The following PRPF8 variants were observed in gnomAD, a reference collection of about 807,000 sequenced individuals.
The protein encoded by PRPF8 is pre-mRNA-processing-splicing factor 8.
In PRPF8, 64 loss-of-function variants were observed where a neutral mutation model predicts 285.9. The observed-to-expected ratio is 0.22, with a 90% CI of 0.18 to 0.28. The LOEUF is 0.28. Ranked by LOEUF, PRPF8 falls within the 10% of genes least tolerant of loss-of-function variation. PRPF8 has a pLI of 1.00. For synonymous variants in PRPF8, 1,325 were observed against 1,118.2 expected (o/e 1.18, Z -3.69); for missense variants, 1,426 against 3,026.7 (o/e 0.47, Z 12.41).
rs1391498441 is a variant in PRPF8, at chr17:1,661,818, G to GA, written c.4023-29dup. 2.5e-6 allele frequency: 4 copies of GA among 1,613,984 alleles called. No individual in the cohort carries two copies. The highest frequency in any genetic ancestry group is 2.2e-5 in the East Asian group (1 of 44,898). Reference sequence around the variant, plus strand: ...GTTTGGGTGTACAACCAAGATTACAGAAAAAATAAAGCCTAAAACTAAAGA... The same window carrying GA: ...GTTTGGGTGTACAACCAAGATTACAGAAAAAAATAAAGCCTAAAACTAAAGA... On this transcript the variant is annotated intron_variant, in intron 25 of 42. Transcript: ENST00000304992. This position sits in a 1 kb window ranked among gnomAD's most constrained non-coding sequence, Gnocchi z 7.3.
At chr17:1,678,446 G>A in intron 13 of PRPF8, 72 bp downstream of exon 13, 1 of 1,600,272 alleles carries the variant, frequency 6.2e-7, no homozygotes, top group Non-Finnish European at 8.6e-7. Context: ...TCGTGCCATT[G>A]CACACCAGCC....
At chr17:1,668,611 C>T (rs1306006608) in intron 24 of PRPF8, among the ~76,000 whole-genome samples, 1 of 152,026 alleles carries the variant, frequency 6.6e-6, no homozygotes, top group Non-Finnish European at 1.5e-5. Flanking sequence ...ATCCACCCGC[C>T]TCGGCCTCCC....
Position 1,650,782 on chromosome 17 carries a change from A to C in PRPF8, c.*20T>G, listed in dbSNP as rs755301689. 6.2e-7 allele frequency: 1 copy of C among 1,613,486 alleles called. No individual in the cohort carries two copies. On this transcript the variant is annotated 3_prime_UTR_variant, in exon 43 of 43. Transcript: ENST00000304992. Reference sequence around the variant, plus strand: ...TGAGGCTTCGGCCTCGGGAGGCTGAAGCAGGAGGCAGGGAAACGGTCAGGC... The same window carrying C: ...TGAGGCTTCGGCCTCGGGAGGCTGACGCAGGAGGCAGGGAAACGGTCAGGC...
At position 1,679,468 on chromosome 17, in the gene PRPF8, G is replaced by C. The variant is rs1443351128; in HGVS notation, c.1290-58C>G. The C allele has an allele frequency of 6.2e-7, 1 of 1,611,234 alleles. No individual in the cohort carries two copies. The highest frequency in any genetic ancestry group is 1.3e-5 in the African/African-American group (1 of 74,496). ...CTCTTCTTCCAGACACTCTGCTAAA[G>C]GCTGCAAGCCTTGGGTTGTCTACCA... On this transcript the variant is annotated intron_variant, in intron 9 of 42. Coordinates refer to ENST00000304992, the MANE Select transcript of PRPF8 (RefSeq NM_006445.4). This position sits in a 1 kb window ranked among gnomAD's most constrained non-coding sequence, Gnocchi z 4.7.
chr17:1,660,779 A>G lies in PRPF8; in HGVS notation c.4557T>C (p.Thr1519=), dbSNP rs2151116121. The G allele has an allele frequency of 6.2e-7, 1 of 1,613,922 alleles. No homozygotes were observed. Among genetic ancestry groups the G allele is most frequent in the Non-Finnish European group, 8.5e-7 (1 of 1,180,030 alleles). ...FEESMKWKKL[T]NAQRSGLNQI... is the part of the protein sequence containing the mutation. ...GGTTCAGTCCTGATCGCTGAGCATT[A>G]GTTAGCTTCTTCCACTTCATAGATT... Residue 1519 remains threonine (T), a synonymous_variant, in exon 29 of 43, where the codon ACT becomes ACC. Transcript: ENST00000304992.
chr17:1,661,048 G>A lies in PRPF8; in HGVS notation c.4453C>T (p.Leu1485=), dbSNP rs1427767753. 1.2e-6 allele frequency: 2 copies of A among 1,614,182 alleles called. No homozygotes were observed. The highest frequency in any genetic ancestry group is 1.7e-6 in the Non-Finnish European group (2 of 1,180,032). ...IQALGGVEGI[L]EHTLFKGTYF... is the part of the protein sequence containing the mutation. Reference sequence around the variant, plus strand: ...GTGCCCTTAAAGAGTGTGTGTTCCAGAATGCCTTCCACACCGCCCAGGGCC... The same window carrying A: ...GTGCCCTTAAAGAGTGTGTGTTCCAAAATGCCTTCCACACCGCCCAGGGCC... Residue 1485 remains leucine, a synonymous_variant, in exon 28 of 43, where the codon CTG becomes TTG. Coordinates refer to ENST00000304992, the MANE Select transcript of PRPF8 (RefSeq NM_006445.4). The surrounding 1 kb of genome is among the most constrained non-coding windows in gnomAD (Gnocchi z 7.3).
rs139305061 is a variant in PRPF8 at position 1,678,815 on chromosome 17, G to A, written c.1666C>T (p.Leu556=). 572 of 1,614,118 alleles carry A rather than the reference G, an allele frequency of 3.5e-4. 3 individuals are homozygous for A. The African/African-American group carries it at 6.8e-3, about 19-fold the overall frequency. The change falls in exon 12 of 43, where the codon CTG becomes TTG. Residue 556 remains leucine (L), a synonymous_variant. Coordinates refer to ENST00000304992, the MANE Select transcript of PRPF8 (RefSeq NM_006445.4). ...LCREVLRLTK[L]VVDSHVQYRL... ...TACTGCACGTGACTATCCACCACCAGCTTAGTCAAACGCAGAACTTCCCGA... is the reference window on the plus strand; with the variant it reads ...TACTGCACGTGACTATCCACCACCAACTTAGTCAAACGCAGAACTTCCCGA...
In PRPF8 at chr17:1,658,900, G is replaced by A. The variant is rs1911534240; in HGVS notation, c.5139-137C>T. 6.2e-6 allele frequency: 5 copies of A among 802,740 alleles called. No individual in the cohort carries two copies. Among genetic ancestry groups the A allele is most frequent in the Non-Finnish European group, 1.1e-5 (5 of 465,818 alleles). 49.7% of individuals were successfully genotyped at this position (802,740 alleles called of 1,614,324 possible). On this transcript the variant is annotated intron_variant, in intron 32 of 42. Coordinates refer to ENST00000304992, the MANE Select transcript of PRPF8 (RefSeq NM_006445.4). The surrounding 1 kb of genome is among the most constrained non-coding windows in gnomAD (Gnocchi z 4.1). ...TCTGCTCATGTGTACATACAGGCTG[G>A]AGAAGAGAATCAGTGACCCATAGGA...
chr17:1,650,796 A>G lies in PRPF8; in HGVS notation c.*6T>C, dbSNP rs1354935466. 3 of 1,613,646 alleles carry G rather than the reference A, an allele frequency of 1.9e-6. No individual in the cohort carries two copies. The highest frequency in any genetic ancestry group is 2.5e-6 in the Non-Finnish European group (3 of 1,179,938). On this transcript the variant is annotated 3_prime_UTR_variant, in exon 43 of 43. Transcript: ENST00000304992. ...CGGGAGGCTGAAGCAGGAGGCAGGGAAACGGTCAGGCATACAGGTCCTCCC... is the reference window on the plus strand; with the variant it reads ...CGGGAGGCTGAAGCAGGAGGCAGGGGAACGGTCAGGCATACAGGTCCTCCC...
In PRPF8 at chr17:1,673,851, A is replaced by G; in HGVS notation, c.3341T>C (p.Leu1114Pro). 6.2e-7 allele frequency: 1 copy of G among 1,613,986 alleles called. No homozygotes were observed. Among genetic ancestry groups the G allele is most frequent in the Non-Finnish European group, 8.5e-7 (1 of 1,180,006 alleles). ...DEARDLIQRYLTEHPDPNNEN... is the reference protein window; with the variant it reads ...DEARDLIQRYPTEHPDPNNEN... Reference sequence around the variant, plus strand: ...ATTATTGGGGTCAGGGTGCTCTGTCAGGTAACGTTGAATCAGGTCCCGAGC... The same window carrying G: ...ATTATTGGGGTCAGGGTGCTCTGTCGGGTAACGTTGAATCAGGTCCCGAGC... The change falls in exon 22 of 43, where the codon CTG (leucine) becomes CCG (proline). Residue 1114 changes from leucine to proline, a missense_variant. Physicochemically the swap from Leu to Pro is moderately conservative, Grantham distance 98. Transcript: ENST00000304992. This position sits in a 1 kb window ranked among gnomAD's most constrained non-coding sequence, Gnocchi z 5.5.
At position 1,651,027 on chromosome 17, in the gene PRPF8, A is replaced by G; in HGVS notation, c.6854-71T>C. 6.2e-7 allele frequency: 1 copy of G among 1,614,002 alleles called. No individual in the cohort carries two copies. The highest frequency in any genetic ancestry group is 8.5e-7 in the Non-Finnish European group (1 of 1,179,834). On this transcript the variant is annotated intron_variant, in intron 42 of 42. Coordinates refer to ENST00000304992, the MANE Select transcript of PRPF8 (RefSeq NM_006445.4). This position sits in a 1 kb window ranked among gnomAD's most constrained non-coding sequence, Gnocchi z 5.1. ...ATGCAGCCTGCGCCACCTCCAAGCC[A>G]GCCAGGCCCCAAGTGCAAAGGGCGA...
Position 1,651,648 on chromosome 17 carries a change from C to A in PRPF8, c.6510G>T (p.Lys2170Asn). The change falls in exon 40 of 43, where the codon AAG (lysine) becomes AAT (asparagine). Residue 2170 changes from lysine (K) to asparagine (N), a missense_variant and splice_region_variant. Around this residue, in one of 34 missense-constraint regions of PRPF8, gnomAD observed 160 missense variants for 373.7 expected, o/e 0.43. Transcript: ENST00000304992. This position sits in a 1 kb window ranked among gnomAD's most constrained non-coding sequence, Gnocchi z 5.1. ...CCCAGGCTCCATCACTCCCCATTAC[C>A]TTGAGGTACTCATGCTGGGGCAGCT... ...PGQLPQHEYL[K>N]EMEPLGWIHT... 1 of 1,614,160 alleles carries A rather than the reference C, an allele frequency of 6.2e-7. No individual in the cohort carries two copies. Among genetic ancestry groups the A allele is most frequent in the Non-Finnish European group, 8.5e-7 (1 of 1,180,038 alleles).
Position 1,653,565 on chromosome 17 carries a change from A to G in PRPF8, c.6346T>C (p.Cys2116Arg). Residue 2116 changes from cysteine to arginine, a missense_variant, in exon 39 of 43, where the codon TGC becomes CGC. By Grantham distance (180) the Cys-to-Arg change is radical. Around this residue, in one of 34 missense-constraint regions of PRPF8, gnomAD observed 160 missense variants for 373.7 expected, o/e 0.43. Coordinates refer to ENST00000304992, the MANE Select transcript of PRPF8 (RefSeq NM_006445.4). This position sits in a 1 kb window ranked among gnomAD's most constrained non-coding sequence, Gnocchi z 4.9. ...LPKNVLKKFI[C>R]ISDLRAQIAG... ...ACTTGGGCCCGAAGGTCAGATATGC[A>G]GATGAACTTCTTAAGCACATTCTTG... is the stretch of plus-strand genomic sequence containing the variant. The G allele has an allele frequency of 6.2e-7, 1 of 1,614,236 alleles. No individual in the cohort carries two copies. The highest frequency in any genetic ancestry group is 8.5e-7 in the Non-Finnish European group (1 of 1,180,026).
Position 1,679,095 on chromosome 17 carries a change from G to C in PRPF8, c.1521C>G (p.Leu507=). The C allele has an allele frequency of 6.2e-7, 1 of 1,614,192 alleles. No homozygotes were observed. ...GGTAGTTGAGGTTTTTGCGGTGAATGAGAAGGTTGAGCATGTTGTAGCCCT... is the reference window on the plus strand; with the variant it reads ...GGTAGTTGAGGTTTTTGCGGTGAATCAGAAGGTTGAGCATGTTGTAGCCCT... ...CRQGYNMLNL[L]IHRKNLNYLH... Residue 507 remains leucine (L), a synonymous_variant, in exon 11 of 43, where the codon CTC becomes CTG. Coordinates refer to ENST00000304992, the MANE Select transcript of PRPF8 (RefSeq NM_006445.4). The surrounding 1 kb of genome is among the most constrained non-coding windows in gnomAD (Gnocchi z 4.7).
Position 1,661,038 on chromosome 17 carries a change from G to A in PRPF8, c.4463C>T (p.Thr1488Ile), listed in dbSNP as rs1911657382. ...LGGVEGILEH[T>I]LFKGTYFPTW... ...AGGGAAGTAAGTGCCCTTAAAGAGT[G>A]TGTGTTCCAGAATGCCTTCCACACC... The change falls in exon 28 of 43, where the codon ACA (threonine) becomes ATA (isoleucine). Residue 1488 changes from threonine (T) to isoleucine (I), a missense_variant. Transcript: ENST00000304992. This position sits in a 1 kb window ranked among gnomAD's most constrained non-coding sequence, Gnocchi z 7.3. The A allele has an allele frequency of 6.2e-7, 1 of 1,614,086 alleles. No homozygotes were observed. Among genetic ancestry groups the A allele is most frequent in the Non-Finnish European group, 8.5e-7 (1 of 1,180,048 alleles).
At position 1,662,172 on chromosome 17, in the gene PRPF8, A is replaced by C. The variant is rs762542722; in HGVS notation, c.3775-19T>G. ...TCACAATCTAAAGGTAGTAGAAAAA[A>C]AAGTAAATTACAGATGAGCCAGGGG... On this transcript the variant is annotated intron_variant, in intron 24 of 42. Coordinates refer to ENST00000304992, the MANE Select transcript of PRPF8 (RefSeq NM_006445.4). 5.3e-5 allele frequency: 86 copies of C among 1,614,042 alleles called. No homozygotes were observed. Among genetic ancestry groups the C allele is most frequent in the Non-Finnish European group, 6.9e-5 (82 of 1,180,048 alleles).
At chr17:1,668,295 T>G (rs1912101962) in intron 24 of PRPF8, among the ~76,000 whole-genome samples, 1 of 151,736 alleles carries the variant, frequency 6.6e-6, no homozygotes, top group Non-Finnish European at 1.5e-5. Flanking sequence ...CCCAGGCCAA[T>G]GGCCTCTTCT....
Position 1,650,903 on chromosome 17 carries a change from CTT to C in PRPF8, c.6905_6906del (p.Lys2302ArgfsTer82). On this transcript the variant is annotated frameshift_variant, in exon 43 of 43. Transcript: ENST00000304992. LOFTEE classifies it high-confidence loss of function. ...MKYELQLANP[K>X]EFYHEVHRPS... is the part of the protein sequence containing the mutation. Reference sequence around the variant, plus strand: ...GGCCTGTGCACCTCGTGGTAGAACTCTTTGGGGTTCGCCAGCTGTAGCTCATA... The same window carrying C: ...GGCCTGTGCACCTCGTGGTAGAACTCTGGGGTTCGCCAGCTGTAGCTCATA... The C allele has an allele frequency of 6.2e-7, 1 of 1,614,204 alleles. No homozygotes were observed. The highest frequency in any genetic ancestry group is 8.5e-7 in the Non-Finnish European group (1 of 1,180,036).
Position 1,673,695 on chromosome 17 carries a change from G to A in PRPF8, c.3446+51C>T, listed in dbSNP as rs1299996271. On this transcript the variant is annotated intron_variant, in intron 22 of 42. Transcript: ENST00000304992. The surrounding 1 kb of genome is among the most constrained non-coding windows in gnomAD (Gnocchi z 5.5). ...ACGCAGCCTCAGGTATGCCCTCTCT[G>A]GGCCCTTAGCTTATGTCCTTCCAGC... The A allele has an allele frequency of 6.2e-7, 1 of 1,612,898 alleles. No individual in the cohort carries two copies. Among genetic ancestry groups the A allele is most frequent in the South Asian group, 1.1e-5 (1 of 91,030 alleles).
Sources: gnomAD v4.1 joint callset for allele counts (sites outside exome capture counted in the v4.1 genomes callset) on GRCh38, gnomAD v4.1.1 for gene constraint, gnomAD v4.1.1 regional missense constraint, Gnocchi (gnomAD v3.1) non-coding constraint, MANE v1.5 for transcripts, NCBI Gene and HGNC (gene_info 2026-07-23, HGNC 2026-07-21) for gene names.